Variants in SOAT2 observed in about 807,000 individuals in gnomAD.
SOAT2 encodes sterol O-acyltransferase 2.
In SOAT2, 87 loss-of-function variants were observed where a neutral mutation model predicts 76.0. The ratio of observed to expected loss-of-function variants is 1.14; its 90% CI spans 0.96 to 1.37. The LOEUF is 1.37. SOAT2 is among the 40% of genes most tolerant of loss of function. SOAT2 has a pLI of 0.00. For synonymous variants in SOAT2, 285 were observed against 275.4 expected (o/e 1.03, Z -0.34); for missense variants, 686 against 682.1 (o/e 1.01, Z -0.06).
intron 5 of SOAT2, among the ~76,000 whole-genome samples, chr12:53,111,498 A>G (rs965714543): frequency 1.3e-5 from 2 of 152,242 alleles, no homozygotes; most frequent in African/African-American, 4.8e-5. Context: ...CCACAAGAGT[A>G]GAAGTTAGGG....
intron 11 of SOAT2, 77 bp downstream of exon 11, chr12:53,120,960 G>C: frequency 4.5e-6 from 5 of 1,102,160 alleles, no homozygotes; most frequent in Non-Finnish European, 7.0e-6. Flanking sequence ...ATGGTAGCCA[G>C]GTTGGGTGTC....
At chr12:53,123,014 G>A in intron 12 of SOAT2, 67 bp from the exon 13 acceptor site, 2 of 1,471,824 alleles carry the variant, frequency 1.4e-6, no homozygotes, top group Non-Finnish European at 1.8e-6. Context: ...CGGGGGGCTG[G>A]AGGTGGGGGC....
At position 53,120,887 on chromosome 12, in the gene SOAT2, G is replaced by T; in HGVS notation, c.1137+4G>T. On this transcript the variant is annotated splice_donor_region_variant and intron_variant, in intron 11 of 14. Transcript: ENST00000301466. Reference sequence around the variant, plus strand: ...TGGAGACAGGATGTTCTACCGGGTGGGGCCTGGACCTAGGCCAGTTGGAAG... The same window carrying T: ...TGGAGACAGGATGTTCTACCGGGTGTGGCCTGGACCTAGGCCAGTTGGAAG... 6.2e-7 allele frequency: 1 copy of T among 1,612,688 alleles called. No homozygotes were observed. Among genetic ancestry groups the T allele is most frequent in the Non-Finnish European group, 8.5e-7 (1 of 1,178,696 alleles).
intron 10 of SOAT2, 97 bp from the exon 11 acceptor site, chr12:53,120,689 T>C: frequency 1.3e-6 from 1 of 788,266 alleles, no homozygotes; most frequent in Non-Finnish European, 2.2e-6. Context: ...GTTGGGGCCC[T>C]GGTTTCTGGG....
chr12:53,103,665 C>CCGCCCT lies in SOAT2; in HGVS notation c.82+9_82+14dup. 1.3e-6 allele frequency: 2 copies of CCGCCCT among 1,524,684 alleles called. No individual in the cohort carries two copies. The highest frequency in any genetic ancestry group is 1.8e-6 in the Non-Finnish European group (2 of 1,137,554). 94.4% of individuals were successfully genotyped at this position (1,524,684 alleles called of 1,614,324 possible). ...GCGCCAACCCTGTGGAGATGGTGAGCCGCCCTCGGGGGTGCAGAAGGCACA... is the reference window on the plus strand; with the variant it reads ...GCGCCAACCCTGTGGAGATGGTGAGCCGCCCTCGCCCTCGGGGGTGCAGAAGGCACA... On this transcript the variant is annotated splice_region_variant and intron_variant, in intron 1 of 14. Transcript: ENST00000301466.
intron 5 of SOAT2, among the ~76,000 whole-genome samples, chr12:53,106,231 C>T (rs1181974997): frequency 1.3e-5 from 2 of 152,248 alleles, no homozygotes; most frequent in Admixed American, 6.5e-5. Flanking sequence ...CTCCCAGGGC[C>T]GGCCACTCTC....
rs1171615819 is a variant in SOAT2 at position 53,103,635 on chromosome 12, C to T, written c.58C>T (p.Arg20Trp). The T allele has an allele frequency of 1.2e-5, 19 of 1,541,382 alleles. No individual in the cohort carries two copies. The highest frequency in any genetic ancestry group is 2.0e-5 in the Admixed American group (1 of 50,064). ...GAGGACAGAAGGGCTGGGAGGGGAG[C>T]GGGAGCGCCAACCCTGTGGAGATGG... The part of the protein sequence containing the change: ...LQRTEGLGGE[R>W]ERQPCGDGNT... Residue 20 changes from arginine to tryptophan, a missense_variant, in exon 1 of 15, where the codon CGG (arginine) becomes TGG (tryptophan). Coordinates refer to ENST00000301466, the MANE Select transcript of SOAT2 (RefSeq NM_003578.4).
At position 53,104,218 on chromosome 12, in the gene SOAT2, C is replaced by A; in HGVS notation, c.138+12C>A. On this transcript the variant is annotated intron_variant, in intron 2 of 14. Coordinates refer to ENST00000301466, the MANE Select transcript of SOAT2 (RefSeq NM_003578.4). ...CCCGACACATGGAGGTGAGGGATGT[C>A]AGAGGTCAGAGGTCAAGTGGACAGA... is the stretch of plus-strand genomic sequence containing the variant. 6.2e-7 allele frequency: 1 copy of A among 1,601,604 alleles called. No homozygotes were observed. Among genetic ancestry groups the A allele is most frequent in the South Asian group, 1.1e-5 (1 of 90,778 alleles).
chr12:53,122,352 T>A (rs1938204162), intron 12 of SOAT2, among the ~76,000 whole-genome samples: 1 of 151,570 alleles, frequency 6.6e-6, no homozygotes, highest in East Asian at 1.9e-4. Flanking sequence ...TTTTTTTTTT[T>A]TTTATTGATC....
rs1384179070 is a variant in SOAT2, at chr12:53,105,217, C to T, written c.249C>T (p.Pro83=). ...ACCCATCACAAGACAAACCTCTGCC[C>T]CCACCTCCCCCAGGTTCCTTGAGCA... The part of the protein sequence containing the change: ...QSYPSQDKPL[P]PPPPGSLSRT... Residue 83 remains proline (P), a synonymous_variant, in exon 3 of 15, where the codon CCC becomes CCT. Coordinates refer to ENST00000301466, the MANE Select transcript of SOAT2 (RefSeq NM_003578.4). 1 of 1,603,098 alleles carries T rather than the reference C, an allele frequency of 6.2e-7. No individual in the cohort carries two copies. Among genetic ancestry groups the T allele is most frequent in the South Asian group, 1.1e-5 (1 of 88,900 alleles).
At chr12:53,122,862 G>A (rs1270805500) in intron 12 of SOAT2, among the ~76,000 whole-genome samples, 8 of 152,186 alleles carry the variant, frequency 5.3e-5, no homozygotes, top group Non-Finnish European at 8.8e-5. Context: ...CCTCCCAGAC[G>A]GGGTGGTGGC....
chr12:53,118,088 T>C (rs1938132664), intron 7 of SOAT2, among the ~76,000 whole-genome samples: 1 of 152,012 alleles, frequency 6.6e-6, no homozygotes, highest in Non-Finnish European at 1.5e-5. Context: ...CAAATGAAGC[T>C]CTGGCCACAG....
chr12:53,103,900 T>C (rs887047459), intron 1 of SOAT2, among the ~76,000 whole-genome samples: 4 of 152,168 alleles, frequency 2.6e-5, no homozygotes, highest in Non-Finnish European at 4.4e-5. Context: ...AGATAGTGAA[T>C]GGAGTAGCTT....
chr12:53,115,428 G>T lies in SOAT2; in HGVS notation c.482G>T (p.Gly161Val). ...LEFDLLIFSF[G>V]QLPLALVTWV... is the part of the protein sequence containing the mutation. Reference sequence around the variant, plus strand: ...TTTGACCTACTGATCTTCAGCTTCGGACAGCTGCCATTGGCGCTGGTGACC... The same window carrying T: ...TTTGACCTACTGATCTTCAGCTTCGTACAGCTGCCATTGGCGCTGGTGACC... Residue 161 changes from glycine (G) to valine (V), a missense_variant, in exon 6 of 15, where the codon GGA becomes GTA. Transcript: ENST00000301466. 1 of 1,611,638 alleles carries T rather than the reference G, an allele frequency of 6.2e-7. No individual in the cohort carries two copies. Among genetic ancestry groups the T allele is most frequent in the African/African-American group, 1.3e-5 (1 of 75,070 alleles).
chr12:53,108,980 T>A (rs1460747311), intron 5 of SOAT2, among the ~76,000 whole-genome samples: 1 of 152,256 alleles, frequency 6.6e-6, no homozygotes, highest in Non-Finnish European at 1.5e-5. Flanking sequence ...GGCTCATGCC[T>A]GTAATCCCAG....
intron 5 of SOAT2, among the ~76,000 whole-genome samples, chr12:53,110,232 C>T (rs12299847): frequency 6.6e-6 from 1 of 152,272 alleles, no homozygotes; most frequent in Non-Finnish European, 1.5e-5. Context: ...TAACTCTTAG[C>T]AACCTTTACT....
chr12:53,118,913 A>T lies in SOAT2; in HGVS notation c.887A>T (p.Tyr296Phe). The change falls in exon 9 of 15, where the codon TAT (tyrosine) becomes TTT (phenylalanine). Residue 296 changes from tyrosine (Y) to phenylalanine (F), a missense_variant. Tyr to Phe is a conservative substitution (Grantham distance 22). Transcript: ENST00000301466. ...AGGACGCCCTATGTCAGGTGGAATT[A>T]TGTGGCCAAGAACTTTGCCCAGGTG... ...YPRTPYVRWNYVAKNFAQALG... is the reference protein window; with the variant it reads ...YPRTPYVRWNFVAKNFAQALG... 1 of 1,614,100 alleles carries T rather than the reference A, an allele frequency of 6.2e-7. No individual in the cohort carries two copies.
intron 6 of SOAT2, 52 bp downstream of exon 6, chr12:53,115,706 T>C (rs374003918): frequency 3.8e-5 from 55 of 1,456,756 alleles, no homozygotes; most frequent in Non-Finnish European, 4.5e-5. Context: ...GGTGGGGCCA[T>C]CTCAGCAGAG....
intron 2 of SOAT2, 119 bp from the exon 3 acceptor site, chr12:53,104,988 G>GTTT: frequency 7.0e-6 from 7 of 994,022 alleles, no homozygotes; most frequent in South Asian, 5.9e-5. Flanking sequence ...CCCCCAGGTT[G>GTTT]TTTTTTTTTT....
Sources: allele counts gnomAD v4.1 joint callset (sites outside exome capture counted in the v4.1 genomes callset), GRCh38; gene constraint gnomAD v4.1.1; transcripts MANE v1.5; gene names NCBI Gene and HGNC (gene_info 2026-07-23, HGNC 2026-07-21).